The following ANAPC7 variants were observed in gnomAD, a reference collection of about 807,000 sequenced individuals.
ANAPC7 encodes anaphase promoting complex subunit 7, also known as anaphase-promoting complex subunit 7.
ANAPC7 carries 25 observed loss-of-function variants against 63.3 expected under a neutral mutation model. The ratio of observed to expected loss-of-function variants is 0.39; its 90% CI spans 0.29 to 0.55. The LOEUF is 0.55. Ranked by LOEUF, ANAPC7 falls within the 20% of genes least tolerant of loss-of-function variation. The pLI, the probability that ANAPC7 is intolerant of heterozygous loss-of-function variation, is 0.57. For synonymous variants in ANAPC7, 241 were observed against 251.7 expected (o/e 0.96, Z 0.40); for missense variants, 516 against 691.7 (o/e 0.75, Z 2.85).
At chr12:110,396,612 G>C (rs971275394) in intron 1 of ANAPC7, 160 bp from the exon 2 acceptor site, 8 of 502,832 alleles carry the variant, frequency 1.6e-5, no homozygotes, top group African/African-American at 1.2e-4. Context: ...CCGGGTTCAA[G>C]TGATTCTCCT....
intron 10 of ANAPC7, 79 bp from the exon 11 acceptor site, chr12:110,374,412 G>A (rs971705421): frequency 6.0e-5 from 84 of 1,410,896 alleles, no homozygotes; most frequent in Non-Finnish European, 8.1e-5. Flanking sequence ...CCCTGGCCCG[G>A]CAGTGAAATG....
intron 6 of ANAPC7, among the ~76,000 whole-genome samples, chr12:110,385,461 C>T (rs1419859412): frequency 6.6e-6 from 1 of 152,208 alleles, no homozygotes; most frequent in Non-Finnish European, 1.5e-5. Context: ...AGCCCCTGGG[C>T]CTGGGTCTGA....
At position 110,373,959 on chromosome 12, in the gene ANAPC7, AGGTT is replaced by A. The variant is rs1881026479; in HGVS notation, c.*181_*184del. The A allele has an allele frequency of 5.7e-5, 33 of 577,538 alleles. No individual in the cohort carries two copies. The South Asian group carries it at 1.1e-3, about 19-fold the overall frequency. The allele number at this position is 577,538 out of a possible 1,614,324, so 35.8% of individuals were successfully genotyped here. ...GCAGGGGAGGATGGAGATACATGGA[AGGTT>A]GGTCAGGCTCTGTTTTAGAAATGAA... On this transcript the variant is annotated 3_prime_UTR_variant, in exon 11 of 11. Coordinates refer to ENST00000455511, the MANE Select transcript of ANAPC7 (RefSeq NM_016238.3).
intron 5 of ANAPC7, chr12:110,387,357 G>GAGGC (rs1882664642): frequency 2.5e-5 from 3 of 120,838 alleles, no homozygotes; most frequent in African/African-American, 4.1e-5. Context: ...GAGAGACAGA[G>GAGGC]AGAGAGAGAC....
intron 1 of ANAPC7, 78 bp downstream of exon 1, chr12:110,403,449 C>T (rs1292883915): frequency 2.7e-6 from 4 of 1,478,470 alleles, no homozygotes; most frequent in Non-Finnish European, 3.7e-6. Flanking sequence ...CCCGCCTGTT[C>T]CCACGTGCCC....
At chr12:110,393,585 T>C (rs1883287881) in intron 3 of ANAPC7, among the ~76,000 whole-genome samples, 1 of 151,070 alleles carries the variant, frequency 6.6e-6, no homozygotes, top group South Asian at 2.1e-4. Flanking sequence ...AAAAAAAAAT[T>C]GGCCGGGCAT....
At position 110,387,804 on chromosome 12, in the gene ANAPC7, A is replaced by G; in HGVS notation, c.609T>C (p.Ser203=). The change falls in exon 5 of 11, where the codon TCT becomes TCC. Residue 203 remains serine, a synonymous_variant. Transcript: ENST00000455511. ...IQTVPNLDWL[S]VWIKAYAFVH... Reference sequence around the variant, plus strand: ...CAAAAGCATACGCTTTGATCCACACAGAGAGCCAGTCCAAGTTAGGCACGG... The same window carrying G: ...CAAAAGCATACGCTTTGATCCACACGGAGAGCCAGTCCAAGTTAGGCACGG... 4 of 1,614,208 alleles carry G rather than the reference A, an allele frequency of 2.5e-6. No individual in the cohort carries two copies. Among genetic ancestry groups the G allele is most frequent in the Non-Finnish European group, 3.4e-6 (4 of 1,180,034 alleles).
chr12:110,398,355 G>A (rs1370395290), intron 1 of ANAPC7, among the ~76,000 whole-genome samples: 1 of 152,052 alleles, frequency 6.6e-6, no homozygotes, highest in Admixed American at 6.6e-5. Context: ...GACAGAAGTT[G>A]CAGTGGGCCA....
chr12:110,380,956 AG>A (rs1349322093), intron 8 of ANAPC7, among the ~76,000 whole-genome samples: 119 of 152,026 alleles, frequency 7.8e-4, no homozygotes, highest in African/African-American at 2.7e-3. Context: ...GAGGAGTAAG[AG>A]AAAAAAAATA....
At chr12:110,388,439 T>G (rs541512996) in intron 4 of ANAPC7, 73 bp downstream of exon 4, 1 of 1,166,822 alleles carries the variant, frequency 8.6e-7, no homozygotes, top group East Asian at 2.4e-5. Context: ...GTTATTCTAA[T>G]GTACAGGCAA....
At chr12:110,394,221 C>T (rs1023018960) in intron 3 of ANAPC7, among the ~76,000 whole-genome samples, 3 of 149,918 alleles carry the variant, frequency 2.0e-5, no homozygotes, top group Non-Finnish European at 4.4e-5. Flanking sequence ...CTTGGAGTGG[C>T]ATCTCACACC....
chr12:110,390,864 T>C (rs1337727581), intron 3 of ANAPC7, among the ~76,000 whole-genome samples: 2 of 152,206 alleles, frequency 1.3e-5, no homozygotes, highest in Non-Finnish European at 2.9e-5. Flanking sequence ...ACTGTCACTT[T>C]AAAAGAATGA....
chr12:110,375,928 T>C, intron 10 of ANAPC7, 138 bp downstream of exon 10: 2 of 1,318,014 alleles, frequency 1.5e-6, no homozygotes, highest in Non-Finnish European at 9.7e-7. Flanking sequence ...CACAAATAAC[T>C]CTTCTACCAT....
chr12:110,386,540 ATTGG>A, intron 5 of ANAPC7, 71 bp from the exon 6 acceptor site: 14 of 1,339,366 alleles, frequency 1.0e-5, no homozygotes, highest in African/African-American at 1.5e-5. Context: ...AATCTGGATG[ATTGG>A]TCATACAGAT....
Position 110,375,849 on chromosome 12 carries a change from G to T in ANAPC7, c.1508+217C>A. ...ACAGATGTTATAGTGGTGTGGGATG[G>T]TTATGAGTGAAACAGTTCTCTAATG... On this transcript the variant is annotated intron_variant, in intron 10 of 10. Coordinates refer to ENST00000455511, the MANE Select transcript of ANAPC7 (RefSeq NM_016238.3). 2.4e-6 allele frequency: 3 copies of T among 1,260,812 alleles called. No individual in the cohort carries two copies. The South Asian group carries it at 8.6e-5, about 36-fold the overall frequency. 78.1% of individuals were successfully genotyped at this position (1,260,812 alleles called of 1,614,324 possible).
chr12:110,396,232 A>T (rs751790732), intron 2 of ANAPC7, 34 bp downstream of exon 2: 1 of 1,579,822 alleles, frequency 6.3e-7, no homozygotes, highest in Non-Finnish European at 8.6e-7. Flanking sequence ...TCTCAAAAAA[A>T]AAAAAAAAAA....
chr12:110,387,919 A>G (rs971947914), intron 4 of ANAPC7, 27 bp from the exon 5 acceptor site: 9 of 1,610,100 alleles, frequency 5.6e-6, no homozygotes, highest in Non-Finnish European at 7.6e-6. Flanking sequence ...CAGAAGAAAG[A>G]AAGTAAGGCA....
intron 6 of ANAPC7, among the ~76,000 whole-genome samples, chr12:110,385,453 C>T (rs1046114086): frequency 1.3e-5 from 2 of 152,232 alleles, no homozygotes; most frequent in African/African-American, 2.4e-5. Context: ...CTCCTGCTAG[C>T]CCCTGGGCCT....
chr12:110,374,049 C>G lies in ANAPC7; in HGVS notation c.*95G>C, dbSNP rs1881035023. The G allele has an allele frequency of 7.3e-7, 1 of 1,364,616 alleles. No individual in the cohort carries two copies. 84.5% of individuals were successfully genotyped at this position (1,364,616 alleles called of 1,614,324 possible). A position where few individuals can be genotyped will look rare whatever the true frequency, so the allele number is the denominator to read the frequency against. ...CCCCTGCTGCAATCACATGCTGAAT[C>G]ATTGTCCTTCTGAGAGCAGGCTCCT... On this transcript the variant is annotated 3_prime_UTR_variant, in exon 11 of 11. Coordinates refer to ENST00000455511, the MANE Select transcript of ANAPC7 (RefSeq NM_016238.3).
Sources: allele counts gnomAD v4.1 joint callset (sites outside exome capture counted in the v4.1 genomes callset), GRCh38; gene constraint gnomAD v4.1.1; transcripts MANE v1.5; gene names NCBI Gene and HGNC (gene_info 2026-07-23, HGNC 2026-07-21).